Variants in AFF2 observed in about 807,000 individuals in gnomAD.
AFF2 encodes the protein ALF transcription elongation factor 2.
A neutral mutation model predicts 76.9 loss-of-function variants in AFF2; 14 were observed. The observed-to-expected ratio is 0.18, with a 90% CI of 0.12 to 0.28. The LOEUF is 0.28. Among genes scored for constraint, AFF2 ranks in the 10% least tolerant of loss-of-function variants. The pLI is 1.00. For synonymous variants in AFF2, 398 were observed against 366.7 expected (o/e 1.09, Z -0.98); for missense variants, 868 against 1,001.1 (o/e 0.87, Z 1.79).
intron 7 of AFF2, among the ~76,000 whole-genome samples, chrX:148,852,261 C>T (rs1472807562): frequency 9.1e-6 from 1 of 110,358 alleles, no homozygotes; most frequent in Admixed American, 9.7e-5. Flanking sequence ...ATTGCTAGGT[C>T]GAATGGTAGT....
At chrX:148,724,359 A>G (rs1253230246) in intron 3 of AFF2, among the ~76,000 whole-genome samples, 1 of 111,283 alleles carries the variant, frequency 9.0e-6, no homozygotes, top group African/African-American at 3.3e-5. Flanking sequence ...ATCCTTTGAG[A>G]GAGTAGGCTG....
chrX:148,988,427 T>G (rs1204329769), intron 20 of AFF2, among the ~76,000 whole-genome samples: 7 of 111,566 alleles, frequency 6.3e-5, no homozygotes, highest in Non-Finnish European at 1.1e-4. Context: ...CATTTAAGTT[T>G]GAATCCTACC....
At chrX:148,803,787 C>A (rs1269062292) in intron 3 of AFF2, among the ~76,000 whole-genome samples, 1 of 111,106 alleles carries the variant, frequency 9.0e-6, no homozygotes, top group Non-Finnish European at 1.9e-5. Context: ...CTAATGTAAT[C>A]ACTGAAGAGA....
Position 148,652,014 on chromosome X carries a change from C to T in AFF2, c.63C>T (p.Asp21=), listed in dbSNP as rs782340089. The T allele has an allele frequency of 8.3e-7, 1 of 1,201,460 alleles. No homozygotes were observed. Among genetic ancestry groups the T allele is most frequent in the East Asian group, 3.0e-5 (1 of 33,659 alleles). ...TTCATATCAGTCACTATGAACAAGA[C>T]CGTAGTGCACTTAAAAAAAGGGAAT... ...DLEQQCHYEQ[D]RSALKKREWE... Residue 21 remains aspartate, a synonymous_variant, in exon 2 of 21, where the codon GAC becomes GAT. Transcript: ENST00000370460.
At chrX:148,681,327 G>A (rs1005068227) in intron 3 of AFF2, among the ~76,000 whole-genome samples, 4 of 111,609 alleles carry the variant, frequency 3.6e-5, no homozygotes, top group Non-Finnish European at 7.5e-5. Flanking sequence ...GCATAGCTGG[G>A]TTATTATCAA....
chrX:148,611,135 G>C (rs782363091), intron 1 of AFF2, among the ~76,000 whole-genome samples: 1 of 112,066 alleles, frequency 8.9e-6, no homozygotes, highest in Non-Finnish European at 1.9e-5. Flanking sequence ...AGTTGGGCTA[G>C]ATTTTCACTT....
chrX:148,964,408 G>T (rs781969366), intron 13 of AFF2, among the ~76,000 whole-genome samples: 2 of 111,863 alleles, frequency 1.8e-5, no homozygotes, highest in Non-Finnish European at 3.8e-5. Context: ...GATGAGTAGG[G>T]TTTAAAAATG....
At chrX:148,770,928 G>A (rs1380367067) in intron 3 of AFF2, among the ~76,000 whole-genome samples, 2 of 111,970 alleles carry the variant, frequency 1.8e-5, no homozygotes, top group African/African-American at 6.5e-5. Flanking sequence ...CTTTGAAAAT[G>A]TTCCCTAACG....
chrX:148,827,368 A>C (rs376293468), intron 4 of AFF2, among the ~76,000 whole-genome samples: 1 of 112,226 alleles, frequency 8.9e-6, no homozygotes, highest in Non-Finnish European at 1.9e-5. Flanking sequence ...CAAGAAAGCT[A>C]TCATGTTTGA....
intron 1 of AFF2, among the ~76,000 whole-genome samples, chrX:148,525,376 A>C (rs1253915096): frequency 8.9e-6 from 1 of 112,386 alleles, no homozygotes; most frequent in Non-Finnish European, 1.9e-5. Flanking sequence ...TTATAAGAAC[A>C]AACAAAATTG....
intron 9 of AFF2, among the ~76,000 whole-genome samples, chrX:148,913,889 G>C (rs1424224238): frequency 8.9e-6 from 1 of 112,004 alleles, no homozygotes; most frequent in Non-Finnish European, 1.9e-5. Context: ...CAAAAATGTA[G>C]AGTCACATAG....
chrX:148,698,362 G>A (rs1436888490), intron 3 of AFF2, among the ~76,000 whole-genome samples: 11 of 112,115 alleles, frequency 9.8e-5, no homozygotes, highest in Admixed American at 9.5e-4. Context: ...ATCTTTTGTG[G>A]CTTGTAATAA....
intron 1 of AFF2, among the ~76,000 whole-genome samples, chrX:148,649,951 A>G (rs1328713374): frequency 2.7e-5 from 3 of 111,559 alleles, no homozygotes; most frequent in Non-Finnish European, 5.6e-5. Flanking sequence ...TCCTGCTCGC[A>G]TTACTCAGAA....
At chrX:148,731,681 A>C (rs1217459553) in intron 3 of AFF2, among the ~76,000 whole-genome samples, 1 of 105,475 alleles carries the variant, frequency 9.5e-6, no homozygotes, top group Non-Finnish European at 1.9e-5. Flanking sequence ...TCATCTGACA[A>C]AGGGCTAATA....
intron 3 of AFF2, among the ~76,000 whole-genome samples, chrX:148,790,434 A>G (rs1475219551): frequency 1.8e-5 from 2 of 111,820 alleles, no homozygotes; most frequent in Non-Finnish European, 3.8e-5. Flanking sequence ...ACATGGAATC[A>G]ACCCAAATGC....
chrX:148,956,457 G>A lies in AFF2; in HGVS notation c.2412G>A (p.Lys804=). 2 of 1,211,781 alleles carry A rather than the reference G, an allele frequency of 1.7e-6. No individual in the cohort carries two copies. The highest frequency in any genetic ancestry group is 1.8e-5 in the South Asian group (1 of 56,988). The part of the protein sequence containing the change: ...DHENLKNLWV[K]IDLDLLSRVP... ...AGAACCTGAAAAACCTCTGGGTGAA[G>A]ATTGACCTTGACTTACTCTCTAGAG... The change falls in exon 11 of 21, where the codon AAG becomes AAA. Residue 804 remains lysine, a synonymous_variant. Coordinates refer to ENST00000370460, the MANE Select transcript of AFF2 (RefSeq NM_002025.4).
chrX:148,922,683 A>G (rs782444105), intron 9 of AFF2, among the ~76,000 whole-genome samples: 1 of 112,061 alleles, frequency 8.9e-6, no homozygotes, highest in African/African-American at 3.2e-5. Context: ...AACTTTGCCA[A>G]GGGGATTTAG....
Position 148,538,729 on chromosome X carries a change from A to G in AFF2, c.47+37585A>G, listed in dbSNP as rs1288983968. Among the ~76,000 whole-genome samples the G allele has an allele frequency of 3.6e-5, 4 of 112,074 alleles. No homozygotes were observed. In the Admixed American group the frequency reaches 3.8e-4, roughly 11 times the overall value. ...ATGTCTTGTCTTATTTAGTCATTAC[A>G]CTAACCTTATTAAAGTGAAGACAAT... is the stretch of plus-strand genomic sequence containing the variant. On this transcript the variant is annotated intron_variant, in intron 1 of 20. Transcript: ENST00000370460.
rs983665465 is a variant in AFF2, at chrX:148,966,991, C to T, written c.3115C>T (p.His1039Tyr). The T allele has an allele frequency of 1.7e-6, 2 of 1,209,734 alleles. No individual in the cohort carries two copies. Among genetic ancestry groups the T allele is most frequent in the Non-Finnish European group, 2.2e-6 (2 of 895,238 alleles). Reference protein sequence around the residue: ...TITTGLMDSSHLEMTSWAALP... With the variant: ...TITTGLMDSSYLEMTSWAALP... ...CACTACTGGCCTCATGGATAGCAGT[C>T]ACCTGGAGATGACGTCCTGGGCGGC... Residue 1039 changes from histidine to tyrosine, a missense_variant, in exon 14 of 21, where the codon CAC (histidine) becomes TAC (tyrosine). This residue lies in a region of AFF2 where 532 missense variants were observed against 564.2 expected (regional missense o/e 0.94). Coordinates refer to ENST00000370460, the MANE Select transcript of AFF2 (RefSeq NM_002025.4).
Sources: gnomAD v4.1 joint callset for allele counts (sites outside exome capture counted in the v4.1 genomes callset) on GRCh38, gnomAD v4.1.1 for gene constraint, gnomAD v4.1.1 regional missense constraint, MANE v1.5 for transcripts, NCBI Gene and HGNC (gene_info 2026-07-23, HGNC 2026-07-21) for gene names.